GABRB1: variants seen among roughly 807,000 people sequenced by gnomAD.
The protein encoded by GABRB1 is gamma-aminobutyric acid receptor subunit beta-1.
Under a neutral mutation model 51.6 loss-of-function variants are expected in GABRB1, and 17 were observed. That is an observed-to-expected ratio of 0.33 (90% CI 0.23 to 0.49). The LOEUF is 0.49. Ranked by LOEUF, GABRB1 falls within the 20% of genes least tolerant of loss-of-function variation. The probability of loss-of-function intolerance (pLI) is 0.99; values close to 1 mark genes in which losing one functional copy is unlikely to be tolerated. For synonymous variants in GABRB1, 247 were observed against 218.9 expected (o/e 1.13, Z -1.14); for missense variants, 410 against 600.6 (o/e 0.68, Z 3.32).
intron 3 of GABRB1, among the ~76,000 whole-genome samples, chr4:47,041,784 A>G (rs770152603): frequency 5.3e-5 from 8 of 152,078 alleles, no homozygotes; most frequent in Admixed American, 6.5e-5. Flanking sequence ...GTTCAATGAC[A>G]TTCATTTGGA....
chr4:47,282,057 AAG>A (rs1430082707), intron 4 of GABRB1, among the ~76,000 whole-genome samples: 2 of 150,674 alleles, frequency 1.3e-5, no homozygotes, highest in Admixed American at 6.6e-5. Flanking sequence ...TCATTAAAAA[AAG>A]ATGAATTGTT....
chr4:46,996,507 G>A (rs1724002379), intron 1 of GABRB1, among the ~76,000 whole-genome samples: 1 of 152,138 alleles, frequency 6.6e-6, no homozygotes, highest in Non-Finnish European at 1.5e-5. Context: ...AAAATCTTGT[G>A]TTTATGTAAG....
At chr4:47,303,386 C>CTA (rs57422800) in intron 4 of GABRB1, among the ~76,000 whole-genome samples, 22 of 141,674 alleles carry the variant, frequency 1.6e-4, no homozygotes, top group Admixed American at 1.3e-3. Flanking sequence ...CTCTCTCTCT[C>CTA]TATATATATA....
chr4:47,041,890 C>T (rs1725860348), intron 3 of GABRB1, among the ~76,000 whole-genome samples: 1 of 152,028 alleles, frequency 6.6e-6, no homozygotes, highest in South Asian at 2.1e-4. Context: ...GCCTCTAGGT[C>T]TACTTCAAAT....
At chr4:47,377,571 G>A (rs1435931248) in intron 5 of GABRB1, among the ~76,000 whole-genome samples, 1 of 152,054 alleles carries the variant, frequency 6.6e-6, no homozygotes, top group East Asian at 1.9e-4. Flanking sequence ...TCCATAGTCT[G>A]GAAGGGGACC....
chr4:47,332,278 C>A (rs1258477016), intron 5 of GABRB1, among the ~76,000 whole-genome samples: 1 of 152,224 alleles, frequency 6.6e-6, no homozygotes, highest in South Asian at 2.1e-4. Context: ...CAAATCACAT[C>A]AGTGTGGTGC....
At chr4:46,996,148 G>T (rs1471222951) in intron 1 of GABRB1, among the ~76,000 whole-genome samples, 2 of 145,102 alleles carry the variant, frequency 1.4e-5, no homozygotes, top group Middle Eastern at 3.6e-3. Flanking sequence ...ATATGCTATT[G>T]TTTCCCATGT....
intron 4 of GABRB1, among the ~76,000 whole-genome samples, chr4:47,248,743 AT>A: frequency 6.6e-6 from 1 of 151,754 alleles, no homozygotes; most frequent in Non-Finnish European, 1.5e-5. Flanking sequence ...GGATGGTTCT[AT>A]TTTTCCAGGA....
At chr4:47,081,747 C>T (rs952920757) in intron 3 of GABRB1, among the ~76,000 whole-genome samples, 2 of 152,100 alleles carry the variant, frequency 1.3e-5, no homozygotes, top group African/African-American at 4.8e-5. Context: ...TTAACGTCTA[C>T]TGGCTTTTTT....
chr4:47,341,679 T>A (rs1725905706), intron 5 of GABRB1, among the ~76,000 whole-genome samples: 1 of 149,620 alleles, frequency 6.7e-6, no homozygotes, highest in Non-Finnish European at 1.5e-5. Flanking sequence ...CTTCTAATCA[T>A]TTTTTTTCGC....
upstream of GABRB1, among the ~76,000 whole-genome samples, chr4:47,030,010 AC>A (rs1470530787): frequency 6.6e-6 from 1 of 151,272 alleles, no homozygotes; most frequent in Non-Finnish European, 1.5e-5. Context: ...GCTTTTATTT[AC>A]CCCCTCATTC....
At chr4:47,343,107 C>T (rs760838527) in intron 5 of GABRB1, among the ~76,000 whole-genome samples, 7 of 150,790 alleles carry the variant, frequency 4.6e-5, no homozygotes, top group East Asian at 3.9e-4. Context: ...TGCTTGTGCA[C>T]GGCTAAATAG....
At chr4:47,196,459 G>C (rs1719687944) in intron 4 of GABRB1, among the ~76,000 whole-genome samples, 1 of 152,172 alleles carries the variant, frequency 6.6e-6, no homozygotes, top group South Asian at 2.1e-4. Flanking sequence ...GGGCAGATCA[G>C]GTACAGCATG....
intron 4 of GABRB1, among the ~76,000 whole-genome samples, chr4:47,275,982 T>G (rs928887171): frequency 6.6e-6 from 1 of 152,156 alleles, no homozygotes; most frequent in African/African-American, 2.4e-5. Flanking sequence ...AGCAAACTGA[T>G]TACCATATGC....
intron 5 of GABRB1, among the ~76,000 whole-genome samples, chr4:47,374,610 C>T (rs1727315316): frequency 6.6e-6 from 1 of 152,094 alleles, no homozygotes; most frequent in Non-Finnish European, 1.5e-5. Flanking sequence ...AGTATTGAGC[C>T]TGAATTTTAG....
At chr4:47,288,165 T>C (rs1317041881) in intron 4 of GABRB1, among the ~76,000 whole-genome samples, 1 of 152,130 alleles carries the variant, frequency 6.6e-6, no homozygotes, top group Non-Finnish European at 1.5e-5. Flanking sequence ...GTCGCACTAA[T>C]CACAGAACAC....
chr4:47,100,009 T>C (rs901743710), intron 3 of GABRB1, among the ~76,000 whole-genome samples: 2 of 152,018 alleles, frequency 1.3e-5, no homozygotes, highest in African/African-American at 4.8e-5. Context: ...AGGAGGAATA[T>C]AATAAAGAAA....
chr4:47,008,652 T>C (rs10025448), intron 1 of GABRB1, among the ~76,000 whole-genome samples: 1 of 129,326 alleles, frequency 7.7e-6, no homozygotes, highest in Non-Finnish European at 1.7e-5. Flanking sequence ...TTTTTTTTTG[T>C]ATTTTTAGTA....
chr4:47,268,276 A>G (rs1722719293), intron 4 of GABRB1, among the ~76,000 whole-genome samples: 1 of 152,196 alleles, frequency 6.6e-6, no homozygotes. Context: ...CTCACTCTGG[A>G]TTTAATTGAA....
Sources: allele counts gnomAD v4.1 joint callset (sites outside exome capture counted in the v4.1 genomes callset), GRCh38; gene constraint gnomAD v4.1.1; transcripts MANE v1.5; gene names NCBI Gene and HGNC (gene_info 2026-07-23, HGNC 2026-07-21).